Variants in EPB41L5 observed in about 807,000 individuals in gnomAD.
EPB41L5 encodes erythrocyte membrane protein band 4.1 like 5.
EPB41L5 carries 55 observed loss-of-function variants against 106.6 expected under a neutral mutation model. The observed-to-expected ratio is 0.52, with a 90% CI of 0.42 to 0.65. EPB41L5 has a LOEUF of 0.65. EPB41L5 is among the 30% of genes least tolerant of loss of function. The pLI is 0.00. For missense variants in EPB41L5, 871 were observed against 882.1 expected (o/e 0.99, Z 0.16); for synonymous variants, 297 against 306.7 (o/e 0.97, Z 0.33).
At chr2:120,151,299 C>CA (rs1468436883) in intron 20 of EPB41L5, among the ~76,000 whole-genome samples, 1 of 149,892 alleles carries the variant, frequency 6.7e-6, no homozygotes, top group Non-Finnish European at 1.5e-5. Context: ...GACTCCATCT[C>CA]AAAAAATAAT....
At chr2:120,174,322 TGGCACA>T (rs1256101227) in intron 24 of EPB41L5, among the ~76,000 whole-genome samples, 1 of 152,150 alleles carries the variant, frequency 6.6e-6, no homozygotes, top group Non-Finnish European at 1.5e-5. Context: ...CCAGGCATGT[TGGCACA>T]GGCCTATAGT....
chr2:120,016,531 A>G (rs879935501), intron 1 of EPB41L5, among the ~76,000 whole-genome samples: 2 of 152,058 alleles, frequency 1.3e-5, no homozygotes, highest in Non-Finnish European at 2.9e-5. Flanking sequence ...TTTTTACACT[A>G]TCTTGAGTCT....
chr2:120,104,280 A>G (rs1250677904), intron 16 of EPB41L5: 2 of 1,517,890 alleles, frequency 1.3e-6, no homozygotes, highest in East Asian at 2.5e-5. Context: ...TTGTCATGCA[A>G]GTTGATGGTA....
intron 2 of EPB41L5, among the ~76,000 whole-genome samples, chr2:120,025,268 T>C (rs1678226760): frequency 6.6e-6 from 1 of 152,224 alleles, no homozygotes; most frequent in African/African-American, 2.4e-5. Context: ...CTAGATTTTG[T>C]AGTTGATTTG....
intron 18 of EPB41L5, among the ~76,000 whole-genome samples, chr2:120,132,448 C>T (rs1418249482): frequency 2.6e-5 from 4 of 152,120 alleles, no homozygotes; most frequent in African/African-American, 4.8e-5. Context: ...GGCTGACTCA[C>T]GGTGTTCTTC....
chr2:120,163,069 T>G (rs1355281101), intron 21 of EPB41L5, among the ~76,000 whole-genome samples: 1 of 151,998 alleles, frequency 6.6e-6, no homozygotes, highest in East Asian at 1.9e-4. Flanking sequence ...CTGGGCAACA[T>G]AGGGAGACCC....
intron 18 of EPB41L5, among the ~76,000 whole-genome samples, chr2:120,137,683 A>C (rs1306736484): frequency 6.6e-6 from 1 of 152,104 alleles, no homozygotes; most frequent in African/African-American, 2.4e-5. Context: ...TAGACCAATA[A>C]CAAGTAACAA....
chr2:120,100,404 C>G (rs751681246), intron 15 of EPB41L5, 118 bp downstream of exon 15: 8 of 957,898 alleles, frequency 8.4e-6, no homozygotes, highest in East Asian at 2.5e-5. Flanking sequence ...TGTGCATTTT[C>G]TTTTCCTTTT....
chr2:120,138,959 T>G, intron 18 of EPB41L5, among the ~76,000 whole-genome samples: 1 of 151,764 alleles, frequency 6.6e-6, no homozygotes, highest in Non-Finnish European at 1.5e-5. Flanking sequence ...TAACCAAAAC[T>G]CATGGTATTA....
chr2:120,160,023 C>T (rs898500327), intron 20 of EPB41L5, among the ~76,000 whole-genome samples: 2 of 152,098 alleles, frequency 1.3e-5, no homozygotes, highest in East Asian at 1.9e-4. Flanking sequence ...GATGAGAACA[C>T]GTGGACACAT....
intron 14 of EPB41L5, among the ~76,000 whole-genome samples, chr2:120,097,894 T>TA (rs1276490965): frequency 6.6e-6 from 1 of 152,216 alleles, no homozygotes; most frequent in African/African-American, 2.4e-5. Flanking sequence ...TAACATCACT[T>TA]ATAAATATTT....
At chr2:120,087,475 A>G (rs1683133493) in intron 11 of EPB41L5, among the ~76,000 whole-genome samples, 1 of 152,176 alleles carries the variant, frequency 6.6e-6, no homozygotes, top group South Asian at 2.1e-4. Context: ...CATTGATCGT[A>G]TATCTGAGGT....
rs1681998965 is a variant in EPB41L5 at position 120,073,216 on chromosome 2, A to G, written c.324A>G (p.Val108=). Residue 108 remains valine (V), a synonymous_variant, in exon 4 of 25, where the codon GTA becomes GTG. Coordinates refer to ENST00000263713, the MANE Select transcript of EPB41L5 (RefSeq NM_020909.4). ...GTACAAAAAGCATCAAAAAGCAAGT[A>G]AAAAGTAAGTGCAGACAAAATTATT... ...LDGTKSIKKQ[V]KIGSPYCLHL... The G allele has an allele frequency of 1.2e-6, 2 of 1,609,028 alleles. No homozygotes were observed. The highest frequency in any genetic ancestry group is 1.3e-5 in the African/African-American group (1 of 74,642).
intron 3 of EPB41L5, among the ~76,000 whole-genome samples, chr2:120,049,169 C>T (rs1249566593): frequency 1.3e-5 from 2 of 152,150 alleles, no homozygotes; most frequent in Non-Finnish European, 2.9e-5. Flanking sequence ...CTGCAGATAT[C>T]TATTAGGTCT....
chr2:120,131,504 C>A, intron 17 of EPB41L5, 114 bp from the exon 18 acceptor site: 1 of 659,570 alleles, frequency 1.5e-6, no homozygotes, highest in Non-Finnish European at 2.7e-6. Context: ...TGGATTATTA[C>A]TTTTAGTTGA....
Position 120,155,924 on chromosome 2 carries a change from G to T in EPB41L5, c.1794-4957G>T, listed in dbSNP as rs1158322054. 5.3e-5 allele frequency among the ~76,000 whole-genome samples: 8 copies of T among 152,228 alleles called. No homozygotes were observed. In the East Asian group the frequency reaches 1.4e-3, roughly 26 times the overall value. On this transcript the variant is annotated intron_variant, in intron 20 of 24. Transcript: ENST00000263713. ...GAATTTAACTGGCAAGGAGCAATCT[G>T]CTGTCACCCTGGGCCTCTGGAATCC... is the stretch of plus-strand genomic sequence containing the variant.
At chr2:120,075,340 C>T in intron 5 of EPB41L5, 136 bp from the exon 6 acceptor site, 3 of 702,030 alleles carry the variant, frequency 4.3e-6, no homozygotes, top group East Asian at 2.7e-5. Flanking sequence ...TCATGTATCC[C>T]CAAACTATGC....
intron 3 of EPB41L5, among the ~76,000 whole-genome samples, chr2:120,072,796 G>C (rs575409972): frequency 6.6e-6 from 1 of 152,244 alleles, no homozygotes; most frequent in East Asian, 1.9e-4. Context: ...TGAGGGACTA[G>C]GGGAGGGATA....
chr2:120,064,822 C>T (rs1163009818), intron 3 of EPB41L5, among the ~76,000 whole-genome samples: 3 of 152,290 alleles, frequency 2.0e-5, no homozygotes, highest in East Asian at 3.9e-4. Context: ...CTATCAGTGC[C>T]TGTCTCTGAG....
Sources: allele counts gnomAD v4.1 joint callset (sites outside exome capture counted in the v4.1 genomes callset), GRCh38; gene constraint gnomAD v4.1.1; transcripts MANE v1.5; gene names NCBI Gene and HGNC (gene_info 2026-07-23, HGNC 2026-07-21).